The following RARS2 variants were observed in gnomAD, a reference collection of about 807,000 sequenced individuals.
RARS2 encodes the protein arginyl-tRNA synthetase 2, mitochondrial.
RARS2 carries 67 observed loss-of-function variants against 88.5 expected under a neutral mutation model. That is an observed-to-expected ratio of 0.76 (90% confidence interval 0.62 to 0.93). The LOEUF (loss-of-function observed/expected upper bound fraction) is 0.93, where lower values mean the gene tolerates loss of function less well. Among genes scored for constraint, RARS2 ranks in the 40% least tolerant of loss-of-function variants. The probability of loss-of-function intolerance (pLI) is 0.00; values close to 1 mark genes in which losing one functional copy is unlikely to be tolerated. For synonymous variants in RARS2, 239 were observed against 230.3 expected (o/e 1.04, Z -0.34); for missense variants, 664 against 684.2 (o/e 0.97, Z 0.33).
intron 1 of RARS2, among the ~76,000 whole-genome samples, chr6:87,580,126 T>C (rs572745256): frequency 6.6e-6 from 1 of 152,232 alleles, no homozygotes; most frequent in Non-Finnish European, 1.5e-5. Context: ...TCTCTGAGAT[T>C]GGATTTGGAG....
chr6:87,548,244 T>G (rs1416329487), intron 6 of RARS2, among the ~76,000 whole-genome samples: 1 of 152,020 alleles, frequency 6.6e-6, no homozygotes, highest in African/African-American at 2.4e-5. Context: ...ACAAAATAAA[T>G]GAACAAAAAA....
At chr6:87,572,226 TTAAATAA>T (rs572377352) in intron 1 of RARS2, among the ~76,000 whole-genome samples, 7 of 152,202 alleles carry the variant, frequency 4.6e-5, no homozygotes, top group Non-Finnish European at 1.0e-4. Flanking sequence ...AATAAATCTG[TTAAATAA>T]TAAACTAGGG....
At chr6:87,584,857 A>G (rs1273067689) in intron 1 of RARS2, 2 of 309,570 alleles carry the variant, frequency 6.5e-6, no homozygotes, top group African/African-American at 2.2e-5. Context: ...AGGGGTAACC[A>G]TGCTTCAGAA....
At chr6:87,586,477 C>T (rs1775197339) in intron 1 of RARS2, among the ~76,000 whole-genome samples, 1 of 152,186 alleles carries the variant, frequency 6.6e-6, no homozygotes. Flanking sequence ...TTTGTCTGAC[C>T]CTTAGGAGCT....
In RARS2 at chr6:87,557,000, TTTA is replaced by T. The variant is rs975001657; in HGVS notation, c.298-1498_298-1496del. Among the ~76,000 whole-genome samples the T allele has an allele frequency of 4.5e-4, 68 of 151,798 alleles. 1 individual carries two copies. Among genetic ancestry groups the T allele is most frequent in the African/African-American group, 1.6e-3 (67 of 41,342 alleles). On this transcript the variant is annotated intron_variant, in intron 4 of 19. Transcript: ENST00000369536. ...AAATGTGGTTTATGTTGTGAAAAAT[TTTA>T]TTATTAAAGAGTTGGTTAAAATGGT...
At chr6:87,575,972 G>C (rs1771363786) in intron 1 of RARS2, among the ~76,000 whole-genome samples, 1 of 151,704 alleles carries the variant, frequency 6.6e-6, no homozygotes, top group Non-Finnish European at 1.5e-5. Flanking sequence ...GCTAATTTTT[G>C]TATTTTTAGC....
At chr6:87,556,062 T>TTG (rs1007576272) in intron 4 of RARS2, among the ~76,000 whole-genome samples, 1 of 152,242 alleles carries the variant, frequency 6.6e-6, no homozygotes, top group African/African-American at 2.4e-5. Context: ...GCTGCAGCTT[T>TTG]TGTGATATTA....
At chr6:87,550,759 C>T (rs1784077812) in intron 5 of RARS2, among the ~76,000 whole-genome samples, 1 of 144,614 alleles carries the variant, frequency 6.9e-6, no homozygotes, top group African/African-American at 2.6e-5. Context: ...AAATAATAAG[C>T]CAGCCCTGGA....
rs1464830575 is a variant in RARS2 at position 87,521,629 on chromosome 6, T to G, written c.975-105A>C. ...GCATTTTCTAATTAAGAATTTAAAT[T>G]ATACCACAGCCTGAGGAATTCCACC... On this transcript the variant is annotated intron_variant, in intron 11 of 19. Coordinates refer to ENST00000369536, the MANE Select transcript of RARS2 (RefSeq NM_020320.5). 3 of 831,582 alleles carry G rather than the reference T, an allele frequency of 3.6e-6. No homozygotes were observed. The East Asian group carries it at 7.5e-5, about 21-fold the overall frequency. 51.5% of individuals were successfully genotyped at this position (831,582 alleles called of 1,614,324 possible).
intron 1 of RARS2, among the ~76,000 whole-genome samples, chr6:87,586,412 A>G (rs1775173225): frequency 6.6e-6 from 1 of 151,988 alleles, no homozygotes; most frequent in Non-Finnish European, 1.5e-5. Flanking sequence ...TACTTGGCAC[A>G]CTCCTACCCA....
intron 8 of RARS2, among the ~76,000 whole-genome samples, chr6:87,540,728 A>C (rs185925721): frequency 6.6e-6 from 1 of 152,316 alleles, no homozygotes; most frequent in East Asian, 1.9e-4. Context: ...AACAAAAAGG[A>C]AACACATCCC....
chr6:87,588,697 C>T (rs1442347510), intron 1 of RARS2, among the ~76,000 whole-genome samples: 1 of 152,168 alleles, frequency 6.6e-6, no homozygotes, highest in Non-Finnish European at 1.5e-5. Context: ...AATAGAAAAC[C>T]TCAATAGTTT....
chr6:87,545,808 A>C, intron 6 of RARS2, 109 bp from the exon 7 acceptor site: 1 of 1,286,974 alleles, frequency 7.8e-7, no homozygotes, highest in Non-Finnish European at 1.1e-6. Flanking sequence ...TTTTCACTAA[A>C]TTTACCAACT....
At chr6:87,571,872 T>G (rs1010624700) in intron 1 of RARS2, among the ~76,000 whole-genome samples, 1 of 152,214 alleles carries the variant, frequency 6.6e-6, no homozygotes, top group African/African-American at 2.4e-5. Context: ...TACAGATTGA[T>G]TTTTTAAAGT....
chr6:87,527,834 T>G (rs929115354), intron 10 of RARS2, among the ~76,000 whole-genome samples: 3 of 151,342 alleles, frequency 2.0e-5, no homozygotes, highest in African/African-American at 7.3e-5. Context: ...ATACCACATA[T>G]TCTCACTTAT....
chr6:87,542,667 A>AAAAAC (rs1339124552), intron 7 of RARS2, among the ~76,000 whole-genome samples: 4 of 151,900 alleles, frequency 2.6e-5, no homozygotes, highest in Non-Finnish European at 5.9e-5. Flanking sequence ...AAAAGAAAAA[A>AAAAAC]AAAAACCCAA....
chr6:87,586,327 T>C (rs1308518433), intron 1 of RARS2, among the ~76,000 whole-genome samples: 1 of 152,354 alleles, frequency 6.6e-6, no homozygotes, highest in East Asian at 1.9e-4. Context: ...GTACATATCA[T>C]GCTTTCCAGA....
At chr6:87,577,880 C>A (rs569427092) in intron 1 of RARS2, among the ~76,000 whole-genome samples, 3 of 152,154 alleles carry the variant, frequency 2.0e-5, no homozygotes, top group South Asian at 2.1e-4. Flanking sequence ...TTCACAATTT[C>A]TTTTCTTACT....
chr6:87,533,937 C>T (rs1202689549), intron 8 of RARS2, among the ~76,000 whole-genome samples: 1 of 152,162 alleles, frequency 6.6e-6, no homozygotes, highest in Non-Finnish European at 1.5e-5. Flanking sequence ...CTTAGAAATA[C>T]TGAGAATAAC....
Sources: gnomAD v4.1 joint callset for allele counts (sites outside exome capture counted in the v4.1 genomes callset) on GRCh38, gnomAD v4.1.1 for gene constraint, MANE v1.5 for transcripts, NCBI Gene and HGNC (gene_info 2026-07-23, HGNC 2026-07-21) for gene names.